The following KCNIP4 variants were observed in gnomAD, a reference collection of about 807,000 sequenced individuals.
The protein encoded by KCNIP4 is Kv channel-interacting protein 4.
KCNIP4 carries 12 observed loss-of-function variants against 34.0 expected under a neutral mutation model. That is an observed-to-expected ratio of 0.35 (90% CI 0.23 to 0.57). The LOEUF (loss-of-function observed/expected upper bound fraction) is 0.57. Ranked by LOEUF, KCNIP4 falls within the 20% of genes least tolerant of loss-of-function variation. The pLI, the probability that KCNIP4 is intolerant of heterozygous loss-of-function variation, is 0.83. For missense variants in KCNIP4, 238 were observed against 311.7 expected (o/e 0.76, Z 1.78); for synonymous variants, 124 against 102.2 (o/e 1.21, Z -1.29).
At chr4:21,099,736 T>C (rs542146143) in intron 1 of KCNIP4, among the ~76,000 whole-genome samples, 1 of 152,184 alleles carries the variant, frequency 6.6e-6, no homozygotes, top group Non-Finnish European at 1.5e-5. Context: ...CTGGAAAGGA[T>C]TCACCATTCT....
chr4:21,771,950 C>T (rs754065407), intron 1 of KCNIP4, among the ~76,000 whole-genome samples: 9 of 152,112 alleles, frequency 5.9e-5, no homozygotes, highest in Non-Finnish European at 1.3e-4. Context: ...CCAGAACTTC[C>T]AATACTATGT....
intron 1 of KCNIP4, among the ~76,000 whole-genome samples, chr4:21,366,175 G>A (rs996618439): frequency 5.3e-5 from 8 of 152,106 alleles, no homozygotes; most frequent in African/African-American, 1.2e-4. Context: ...GAACGCTACC[G>A]GTGAATATGT....
At chr4:20,795,848 G>C (rs1713378149) in intron 3 of KCNIP4, among the ~76,000 whole-genome samples, 1 of 152,116 alleles carries the variant, frequency 6.6e-6, no homozygotes, top group African/African-American at 2.4e-5. Context: ...TTCCACTGTT[G>C]AAGTTCTTTT....
chr4:21,714,786 A>T lies in KCNIP4; in HGVS notation c.61+233785T>A, dbSNP rs1052365616. ...AGAATGTGTTAGTAATTTCCCTTTG[A>T]TTATTTTATTTTATTTTATTTTATT... On this transcript the variant is annotated intron_variant, in intron 1 of 8. Coordinates refer to ENST00000382152, the MANE Select transcript of KCNIP4 (RefSeq NM_025221.6). Among the ~76,000 whole-genome samples the T allele has an allele frequency of 1.6e-3, 72 of 46,238 alleles. 17 individuals are homozygous for T. The highest frequency in any genetic ancestry group is 1.5e-3 in the Non-Finnish European group (41 of 27,018). 30.3% of individuals were successfully genotyped at this position (46,238 alleles called of 152,430 possible).
intron 1 of KCNIP4, among the ~76,000 whole-genome samples, chr4:21,299,162 A>C (rs1354707510): frequency 6.6e-6 from 1 of 152,142 alleles, no homozygotes; most frequent in Non-Finnish European, 1.5e-5. Flanking sequence ...ATATATCTAT[A>C]CTATACTCTG....
chr4:20,918,133 G>A (rs1404257061), intron 1 of KCNIP4, among the ~76,000 whole-genome samples: 2 of 152,126 alleles, frequency 1.3e-5, no homozygotes, highest in Admixed American at 6.5e-5. Flanking sequence ...AGAGTTGGAC[G>A]GAATGTGAAA....
At chr4:21,210,624 C>T (rs1026557435) in intron 1 of KCNIP4, among the ~76,000 whole-genome samples, 2 of 152,032 alleles carry the variant, frequency 1.3e-5, no homozygotes, top group African/African-American at 4.8e-5. Flanking sequence ...TCATTATTGC[C>T]CAATATTGCG....
chr4:21,589,238 A>G (rs1419091197), intron 1 of KCNIP4, among the ~76,000 whole-genome samples: 4 of 91,054 alleles, frequency 4.4e-5, no homozygotes, highest in Non-Finnish European at 6.5e-5. Flanking sequence ...CTATACAGAT[A>G]CATATATACA....
At chr4:21,104,525 T>A (rs1271907361) in intron 1 of KCNIP4, among the ~76,000 whole-genome samples, 1 of 152,184 alleles carries the variant, frequency 6.6e-6, no homozygotes, top group Non-Finnish European at 1.5e-5. Context: ...TTGCAAAAAT[T>A]TTCTCCCATT....
chr4:20,966,247 C>T (rs1241684509), intron 1 of KCNIP4, among the ~76,000 whole-genome samples: 1 of 152,170 alleles, frequency 6.6e-6, no homozygotes, highest in Non-Finnish European at 1.5e-5. Flanking sequence ...TACTTCATTG[C>T]TGTCTGGTCT....
chr4:21,187,706 ATT>A (rs150873995), intron 1 of KCNIP4, among the ~76,000 whole-genome samples: 1 of 149,394 alleles, frequency 6.7e-6, no homozygotes, highest in African/African-American at 2.4e-5. Flanking sequence ...CAGAATCCTC[ATT>A]TTTTTTTTCT....
At chr4:20,880,221 C>A (rs1300968959) in intron 2 of KCNIP4, among the ~76,000 whole-genome samples, 1 of 152,034 alleles carries the variant, frequency 6.6e-6, no homozygotes, top group Admixed American at 6.6e-5. Flanking sequence ...GTGTGTGTGG[C>A]GTGCACGTGT....
At chr4:21,699,866 G>C (rs1577869674) in intron 1 of KCNIP4, among the ~76,000 whole-genome samples, 1 of 152,122 alleles carries the variant, frequency 6.6e-6, no homozygotes, top group East Asian at 1.9e-4. Flanking sequence ...AACTGCCAGG[G>C]AGCAAGAGTG....
chr4:20,917,587 A>C (rs1296048635), intron 1 of KCNIP4, among the ~76,000 whole-genome samples: 1 of 152,176 alleles, frequency 6.6e-6, no homozygotes, highest in African/African-American at 2.4e-5. Flanking sequence ...ACGAAAATAA[A>C]TAAGATTTTT....
At chr4:21,274,997 CACTCAAACCTAAAGCCATT>C (rs1560241733) in intron 1 of KCNIP4, among the ~76,000 whole-genome samples, 1 of 152,150 alleles carries the variant, frequency 6.6e-6, no homozygotes, top group African/African-American at 2.4e-5. Context: ...AATCCCATGG[CACTCAAACCTAAAGCCATT>C]ACTCAAATAT....
chr4:21,055,453 G>GA (rs1396481662), intron 1 of KCNIP4, among the ~76,000 whole-genome samples: 1 of 152,140 alleles, frequency 6.6e-6, no homozygotes, highest in Non-Finnish European at 1.5e-5. Context: ...TTTGACTGCA[G>GA]AAAAACCTGC....
At chr4:20,918,010 A>T (rs1307413724) in intron 1 of KCNIP4, among the ~76,000 whole-genome samples, 1 of 152,106 alleles carries the variant, frequency 6.6e-6, no homozygotes, top group East Asian at 1.9e-4. Flanking sequence ...CCTCCTTTCC[A>T]AGAAAAGTTT....
chr4:20,906,411 CA>C (rs1323815518), intron 1 of KCNIP4, among the ~76,000 whole-genome samples: 4 of 152,278 alleles, frequency 2.6e-5, no homozygotes, highest in South Asian at 2.1e-4. Flanking sequence ...TCCATGAGAG[CA>C]GTCTGTCTAA....
chr4:20,795,398 C>T (rs577228967), intron 3 of KCNIP4, among the ~76,000 whole-genome samples: 2 of 152,234 alleles, frequency 1.3e-5, no homozygotes, highest in South Asian at 4.1e-4. Flanking sequence ...TGTAGCAACT[C>T]TCAAGTTGCT....
Sources: gnomAD v4.1 joint callset for allele counts (sites outside exome capture counted in the v4.1 genomes callset) on GRCh38, gnomAD v4.1.1 for gene constraint, MANE v1.5 for transcripts, NCBI Gene and HGNC (gene_info 2026-07-23, HGNC 2026-07-21) for gene names.